XPO5: variants seen among roughly 807,000 people sequenced by gnomAD.
The protein encoded by XPO5 is exportin 5, also known as exportin-5.
A neutral mutation model predicts 160.6 loss-of-function variants in XPO5; 46 were observed. The observed-to-expected ratio is 0.29, with a 90% CI of 0.23 to 0.37. The LOEUF (loss-of-function observed/expected upper bound fraction) is 0.37. XPO5 is among the 10% of genes least tolerant of loss of function. The pLI, the probability that XPO5 is intolerant of heterozygous loss-of-function variation, is 1.00. For synonymous variants in XPO5, 537 were observed against 519.3 expected, an observed-to-expected ratio of 1.03 and a Z score of -0.46; for missense variants, 1,090 against 1,463.9, an observed-to-expected ratio of 0.74 and a Z score of 4.17.
chr6:43,534,816 A>G (rs569359598), intron 20 of XPO5, among the ~76,000 whole-genome samples: 2 of 151,154 alleles, frequency 1.3e-5, no homozygotes, highest in African/African-American at 2.4e-5. Context: ...TGGCCAACAT[A>G]GGGAAACCCT....
rs60341205 is a variant in XPO5, at chr6:43,535,813, CAAAAAAA to C, written c.2343-1813_2343-1807del. 9.4e-3 allele frequency among the ~76,000 whole-genome samples: 678 copies of C among 71,842 alleles called. 5 individuals are homozygous for C. The highest frequency in any genetic ancestry group is 0.029 in the African/African-American group (615 of 20,848). 47.1% of individuals were successfully genotyped at this position (71,842 alleles called of 152,430 possible). A position where few individuals can be genotyped will look rare whatever the true frequency, so the allele number is the denominator to read the frequency against. On this transcript the variant is annotated intron_variant, in intron 20 of 31. Transcript: ENST00000265351. ...TGTGTGACAGAGCGAGACTCCATCT[CAAAAAAA>C]AAAAAAAAAAAGTCATTCTAGGCCG...
At chr6:43,562,942 G>C (rs1216524792) in intron 8 of XPO5, among the ~76,000 whole-genome samples, 2 of 152,158 alleles carry the variant, frequency 1.3e-5, no homozygotes, top group African/African-American at 4.8e-5. Context: ...CATGAAAAAT[G>C]TGTATTAGAA....
chr6:43,524,611 C>T lies in XPO5; in HGVS notation c.3337G>A (p.Ala1113Thr). The T allele has an allele frequency of 1.2e-6, 2 of 1,613,974 alleles. No individual in the cohort carries two copies. The highest frequency in any genetic ancestry group is 1.7e-6 in the Non-Finnish European group (2 of 1,179,882). ...ALRPRYLEIR[A>T]VMEQIPEIQK... Reference sequence around the variant, plus strand: ...ATTTCAGGGATTTGCTCCATTACAGCTCTTATCTCCAGGTACCTGGGGCGC... The same window carrying T: ...ATTTCAGGGATTTGCTCCATTACAGTTCTTATCTCCAGGTACCTGGGGCGC... The change falls in exon 31 of 32, where the codon GCT (alanine) becomes ACT (threonine). Residue 1113 changes from alanine (A) to threonine (T), a missense_variant. Transcript: ENST00000265351.
In XPO5 at chr6:43,575,798, G is replaced by T; in HGVS notation, c.67C>A (p.Pro23Thr). 3.1e-6 allele frequency: 5 copies of T among 1,613,808 alleles called. No individual in the cohort carries two copies. Among genetic ancestry groups the T allele is most frequent in the Non-Finnish European group, 4.2e-6 (5 of 1,179,762 alleles). Residue 23 changes from proline to threonine, a missense_variant, in exon 1 of 32, where the codon CCC becomes ACC. Around this residue, in one of 3 missense-constraint regions of XPO5, gnomAD observed 170 missense variants for 227.0 expected, o/e 0.75. Coordinates refer to ENST00000265351, the MANE Select transcript of XPO5 (RefSeq NM_020750.3). ...AGCCGGTAGCGCTGGGTGGAGTTGG[G>T]GTCCATCATGACCGTCACCGCTTTC... ...LVKAVTVMMD[P>T]NSTQRYRLEA...
At position 43,573,500 on chromosome 6, in the gene XPO5, C is replaced by G. The variant is rs774242436; in HGVS notation, c.207G>C (p.Gln69His). Residue 69 changes from glutamine (Q) to histidine (H), a missense_variant, in exon 2 of 32, where the codon CAG (glutamine) becomes CAC (histidine). This residue lies in a region of XPO5 where 170 missense variants were observed against 227.0 expected (regional missense o/e 0.75). Transcript: ENST00000265351. ...CTTACTTGACAACGTGTTCCAGGAT[C>G]TGAAGGCCAAAATGTCTGACGATGG... ...QVAIVRHFGL[Q>H]ILEHVVKFRW... The G allele has an allele frequency of 6.2e-7, 1 of 1,613,542 alleles. No individual in the cohort carries two copies. The highest frequency in any genetic ancestry group is 1.3e-5 in the African/African-American group (1 of 74,914).
rs530737866 is a variant in XPO5, at chr6:43,547,549, G to A, written c.2160+59C>T. The A allele has an allele frequency of 1.1e-5, 17 of 1,522,746 alleles. No homozygotes were observed. The African/African-American group carries it at 1.5e-4, about 13-fold the overall frequency. 94.3% of individuals were successfully genotyped at this position (1,522,746 alleles called of 1,614,324 possible). A position where few individuals can be genotyped will look rare whatever the true frequency, so the allele number is the denominator to read the frequency against. Reference sequence around the variant, plus strand: ...CAAATCTATGAGAAACTTGACAAAAGACAACACCCTACTCCTACCCATGGC... The same window carrying A: ...CAAATCTATGAGAAACTTGACAAAAAACAACACCCTACTCCTACCCATGGC... On this transcript the variant is annotated intron_variant, in intron 19 of 31. Coordinates refer to ENST00000265351, the MANE Select transcript of XPO5 (RefSeq NM_020750.3).
chr6:43,531,962 ACTTAC>A (rs1794015681), intron 21 of XPO5, among the ~76,000 whole-genome samples: 1 of 152,132 alleles, frequency 6.6e-6, no homozygotes, highest in African/African-American at 2.4e-5. Context: ...AATGAAACCC[ACTTAC>A]CTTAGTATTA....
At chr6:43,567,136 CTG>C in intron 7 of XPO5, 31 bp downstream of exon 7, 3 of 1,584,220 alleles carry the variant, frequency 1.9e-6, no homozygotes, top group Non-Finnish European at 2.6e-6. Context: ...ACTTCAGAGA[CTG>C]AGGATAAGTC....
chr6:43,542,593 T>C (rs1316277940), intron 20 of XPO5, among the ~76,000 whole-genome samples: 1 of 151,924 alleles, frequency 6.6e-6, no homozygotes, highest in South Asian at 2.1e-4. Context: ...TTGTTGGTGG[T>C]GGTGGTATTT....
intron 20 of XPO5, among the ~76,000 whole-genome samples, chr6:43,545,074 T>A (rs138830564): frequency 2.0e-5 from 3 of 151,962 alleles, no homozygotes; most frequent in African/African-American, 7.2e-5. Context: ...GGTTTCATCA[T>A]GTTGGCCAGG....
intron 8 of XPO5, among the ~76,000 whole-genome samples, chr6:43,564,104 T>C (rs1762561886): frequency 6.6e-6 from 1 of 152,102 alleles, no homozygotes; most frequent in Non-Finnish European, 1.5e-5. Flanking sequence ...GTACTTTTAG[T>C]AGAGATGGGG....
intron 30 of XPO5, 51 bp from the exon 31 acceptor site, chr6:43,524,686 C>A: frequency 6.3e-7 from 1 of 1,595,946 alleles, no homozygotes; most frequent in South Asian, 1.1e-5. Context: ...ATATTGCCAC[C>A]CTCCCCATTT....
intron 9 of XPO5, chr6:43,561,387 T>TTTTC (rs1561883112): frequency 6.0e-6 from 1 of 166,050 alleles, no homozygotes; most frequent in African/African-American, 2.4e-5. Context: ...CTTTTCTTTT[T>TTTTC]TTTTTCTTTT....
chr6:43,523,809 C>T lies in XPO5; in HGVS notation c.*59G>A. The T allele has an allele frequency of 6.2e-7, 1 of 1,613,522 alleles. No homozygotes were observed. The highest frequency in any genetic ancestry group is 1.1e-5 in the South Asian group (1 of 90,990). On this transcript the variant is annotated 3_prime_UTR_variant, in exon 32 of 32. Transcript: ENST00000265351. The stretch of plus-strand genomic sequence containing the variant: ...AGTGCAAGAAGGGCCTAGAGATCGG[C>T]TACAAAGGGAAAGAAGAGATGACAA...
At chr6:43,533,243 C>CACAT (rs1339693611) in intron 21 of XPO5, 1 of 130,914 alleles carries the variant, frequency 7.6e-6, no homozygotes, top group African/African-American at 3.9e-5. Context: ...CACACACACA[C>CACAT]ACACACACAC....
chr6:43,537,069 T>G (rs1486771465), intron 20 of XPO5, among the ~76,000 whole-genome samples: 1 of 152,026 alleles, frequency 6.6e-6, no homozygotes, highest in East Asian at 1.9e-4. Flanking sequence ...TGGGCTCAAG[T>G]GGCCCTTCCA....
chr6:43,567,764 T>C (rs1762767841), intron 6 of XPO5, among the ~76,000 whole-genome samples: 2 of 151,412 alleles, frequency 1.3e-5, no homozygotes, highest in Admixed American at 1.3e-4. Context: ...ATAAAAAAAA[T>C]ACCCTAACCA....
chr6:43,536,975 G>GT (rs1351736821), intron 20 of XPO5, among the ~76,000 whole-genome samples: 1 of 151,486 alleles, frequency 6.6e-6, no homozygotes, highest in Non-Finnish European at 1.5e-5. Flanking sequence ...TTTGTTTTTT[G>GT]TTTTTTAAAG....
rs117143985 is a variant in XPO5, at chr6:43,538,429, C to T, written c.2343-4422G>A. Among the ~76,000 whole-genome samples the T allele has an allele frequency of 5.1e-4, 78 of 152,044 alleles. No homozygotes were observed. In the East Asian group the frequency reaches 7.9e-3, roughly 15 times the overall value. ...CCTCCCAAACTGCTGAGATCACAAG[C>T]GTGAGGCACCACGCTAAGCCTAATT... On this transcript the variant is annotated intron_variant, in intron 20 of 31. Transcript: ENST00000265351.
Sources: allele counts gnomAD v4.1 joint callset (sites outside exome capture counted in the v4.1 genomes callset), GRCh38; gene constraint gnomAD v4.1.1; regional missense constraint gnomAD v4.1.1; transcripts MANE v1.5; gene names NCBI Gene and HGNC (gene_info 2026-07-23, HGNC 2026-07-21).